MYO16: variants seen among roughly 807,000 people sequenced by gnomAD.
MYO16 encodes myosin XVI, also known as unconventional myosin-XVI.
Under a neutral mutation model 205.3 loss-of-function variants are expected in MYO16, and 94 were observed. That is an observed-to-expected ratio of 0.46 (90% CI 0.39 to 0.54). The LOEUF is 0.54. Ranked by LOEUF, MYO16 falls within the 20% of genes least tolerant of loss-of-function variation. MYO16 has a pLI of 0.00. For missense variants in MYO16, 2,315 were observed against 2,387.5 expected (o/e 0.97, Z 0.63); for synonymous variants, 988 against 954.0 (o/e 1.04, Z -0.66).
the MYO16 span, among the ~76,000 whole-genome samples, chr13:108,580,741 G>T: frequency 1.3e-5 from 2 of 152,192 alleles, no homozygotes; most frequent in East Asian, 3.9e-4. Flanking sequence ...GATGATCCCA[G>T]TGGCTGTCTG....
At chr13:108,634,413 C>G (rs1417714218) in intron 1 of MYO16, among the ~76,000 whole-genome samples, 1 of 152,210 alleles carries the variant, frequency 6.6e-6, no homozygotes, top group Non-Finnish European at 1.5e-5. Flanking sequence ...TCTCCCCTTT[C>G]TCTCCTGCAT....
rs578000982 is a variant in MYO16, at chr13:108,980,044, A to G, written c.2370-12332A>G. Among the ~76,000 whole-genome samples the G allele has an allele frequency of 8.9e-4, 136 of 152,290 alleles. 1 individual carries two copies. The highest frequency in any genetic ancestry group is 1.7e-3 in the Non-Finnish European group (116 of 68,004). On this transcript the variant is annotated intron_variant, in intron 20 of 34. Coordinates refer to ENST00000457511, the MANE Select transcript of MYO16 (RefSeq NM_001198950.3). ...ATAAAGAACTATGTATTTTGCCTTA[A>G]GTACATGTTTTCAGGAGATGGAGAG... is the stretch of plus-strand genomic sequence containing the variant.
intron 1 of MYO16, among the ~76,000 whole-genome samples, chr13:108,615,573 A>G (rs925579000): frequency 5.3e-5 from 8 of 152,138 alleles, no homozygotes; most frequent in African/African-American, 1.9e-4. Context: ...ACTGAAAGAA[A>G]CAAACAAAAT....
rs946183683 is a variant in MYO16, at chr13:109,140,151, C to T, written c.4052-113C>T. The T allele has an allele frequency of 6.7e-6, 10 of 1,496,820 alleles. No individual in the cohort carries two copies. Among genetic ancestry groups the T allele is most frequent in the Non-Finnish European group, 7.9e-6 (9 of 1,134,344 alleles). 92.7% of individuals were successfully genotyped at this position (1,496,820 alleles called of 1,614,324 possible). ...GGTGGAGGAACATGCAGGCCCGGTC[C>T]CTTGGGATTCTCGGGGCACGGGGCC... On this transcript the variant is annotated intron_variant, in intron 31 of 34. Transcript: ENST00000457511. This position sits in a 1 kb window ranked among gnomAD's most constrained non-coding sequence, Gnocchi z 8.0.
At chr13:108,790,726 GCAT>G (rs528613182) in intron 5 of MYO16, among the ~76,000 whole-genome samples, 128 of 152,182 alleles carry the variant, frequency 8.4e-4, no homozygotes, top group Admixed American at 1.4e-3. Context: ...ATTTTAATTG[GCAT>G]CATATCTAAT....
chr13:108,733,704 T>C (rs1034896451), intron 4 of MYO16, among the ~76,000 whole-genome samples: 1 of 152,210 alleles, frequency 6.6e-6, no homozygotes, highest in Non-Finnish European at 1.5e-5. Context: ...GGATCACACA[T>C]GTAATCCCAG....
chr13:108,946,301 G>C (rs1351938593), intron 16 of MYO16, among the ~76,000 whole-genome samples: 1 of 151,968 alleles, frequency 6.6e-6, no homozygotes, highest in East Asian at 1.9e-4. Context: ...AAAAAAAGGG[G>C]GTTTGACTTT....
At chr13:108,774,708 A>G (rs1886072532) in intron 4 of MYO16, among the ~76,000 whole-genome samples, 1 of 152,198 alleles carries the variant, frequency 6.6e-6, no homozygotes, top group African/African-American at 2.4e-5. Context: ...AGTATGAGAA[A>G]TTTCACATCT....
At chr13:108,943,993 G>A (rs1882836731) in intron 16 of MYO16, among the ~76,000 whole-genome samples, 1 of 152,218 alleles carries the variant, frequency 6.6e-6, no homozygotes, top group Admixed American at 6.5e-5. Flanking sequence ...GAAGTGAGAA[G>A]GACATTTAGA....
At chr13:108,496,525 A>C in the MYO16 span, among the ~76,000 whole-genome samples, 40 of 152,236 alleles carry the variant, frequency 2.6e-4, no homozygotes, top group Middle Eastern at 3.4e-3. Context: ...GCCGGCGGCC[A>C]AGTGAGGGAC....
At chr13:108,902,017 T>G (rs1342591786) in intron 15 of MYO16, among the ~76,000 whole-genome samples, 1 of 152,158 alleles carries the variant, frequency 6.6e-6, no homozygotes, top group Admixed American at 6.5e-5. Context: ...AGTAAAGTGT[T>G]GACAAAACTA....
At chr13:108,919,048 CA>C (rs1881626713) in intron 16 of MYO16, among the ~76,000 whole-genome samples, 1 of 151,892 alleles carries the variant, frequency 6.6e-6, no homozygotes. Flanking sequence ...TTGGGGAAAA[CA>C]GCTGGAAATA....
chr13:109,018,455 TGAG>T (rs959655141), intron 22 of MYO16, among the ~76,000 whole-genome samples: 17 of 152,136 alleles, frequency 1.1e-4, no homozygotes, highest in African/African-American at 3.9e-4. Flanking sequence ...GGGACCCACT[TGAG>T]GAGGTGGCGT....
At chr13:108,533,762 AT>A in the MYO16 span, among the ~76,000 whole-genome samples, 1 of 152,196 alleles carries the variant, frequency 6.6e-6, no homozygotes. Flanking sequence ...ATGACATTCT[AT>A]TTTCCATATA....
intron 1 of MYO16, among the ~76,000 whole-genome samples, chr13:108,644,979 CAG>C: frequency 6.6e-6 from 1 of 152,246 alleles, no homozygotes; most frequent in East Asian, 1.9e-4. Context: ...TTAGAAGTTG[CAG>C]AGTGTTGTTT....
intron 32 of MYO16, among the ~76,000 whole-genome samples, chr13:109,160,822 G>A (rs892044518): frequency 2.0e-5 from 3 of 152,184 alleles, no homozygotes; most frequent in African/African-American, 7.2e-5. Flanking sequence ...CATGCATCAT[G>A]TATATGCACT....
At chr13:108,768,124 C>T (rs1218529346) in intron 4 of MYO16, among the ~76,000 whole-genome samples, 1 of 152,156 alleles carries the variant, frequency 6.6e-6, no homozygotes, top group Non-Finnish European at 1.5e-5. Context: ...AGACTCCAAG[C>T]CTTATTCCTT....
intron 3 of MYO16, among the ~76,000 whole-genome samples, chr13:108,717,793 C>A (rs1231189240): frequency 6.6e-6 from 1 of 151,880 alleles, no homozygotes. Context: ...ATCTTGAAGA[C>A]CAGATAAGAA....
rs1236957090 is a variant in MYO16, at chr13:108,849,616, CTTTTGTGTGT to C, written c.1248+5124_1248+5133del. 4.9e-3 allele frequency among the ~76,000 whole-genome samples: 385 copies of C among 77,808 alleles called. 6 individuals carry two copies. Among genetic ancestry groups the C allele is most frequent in the African/African-American group, 0.016 (345 of 21,256 alleles). The allele number at this position is 77,808 out of a possible 152,430, so 51.0% of individuals were successfully genotyped here. Reference sequence around the variant, plus strand: ...TCCTCCAAATCCTGTTGAATTTCCTCTTTTGTGTGTGTGTGTGTGTGTGTGTGTGTGTGTG... The same window carrying C: ...TCCTCCAAATCCTGTTGAATTTCCTCGTGTGTGTGTGTGTGTGTGTGTGTG... On this transcript the variant is annotated intron_variant, in intron 10 of 34. Coordinates refer to ENST00000457511, the MANE Select transcript of MYO16 (RefSeq NM_001198950.3).
Sources: gnomAD v4.1 joint callset for allele counts (sites outside exome capture counted in the v4.1 genomes callset) on GRCh38, gnomAD v4.1.1 for gene constraint, Gnocchi (gnomAD v3.1) non-coding constraint, MANE v1.5 for transcripts, NCBI Gene and HGNC (gene_info 2026-07-23, HGNC 2026-07-21) for gene names.